PCBP3: variants seen among roughly 807,000 people sequenced by gnomAD.
The protein encoded by PCBP3 is poly(rC)-binding protein 3.
In PCBP3, 25 loss-of-function variants were observed where a neutral mutation model predicts 52.7. The observed-to-expected ratio is 0.47, with a 90% CI of 0.35 to 0.66. The LOEUF (loss-of-function observed/expected upper bound fraction) is 0.66, where lower values mean the gene tolerates loss of function less well. Among genes scored for constraint, PCBP3 ranks in the 30% least tolerant of loss-of-function variants. The probability of loss-of-function intolerance (pLI) is 0.01; values close to 1 mark genes in which losing one functional copy is unlikely to be tolerated. For missense variants in PCBP3, 391 were observed against 490.3 expected, an observed-to-expected ratio of 0.80 and a Z score of 1.91; for synonymous variants, 162 against 183.0, an observed-to-expected ratio of 0.89 and a Z score of 0.93.
At chr21:45,918,053 T>C in intron 13 of PCBP3, 2 of 270,074 alleles carry the variant, frequency 7.4e-6, no homozygotes, top group Non-Finnish European at 1.4e-5. Context: ...TTTGAGGGCC[T>C]GGTGAAATTA....
At position 45,791,995 on chromosome 21, in the gene PCBP3, G is replaced by A. The variant is rs1040023760; in HGVS notation, c.-126+36543G>A. ...AGCCTTTCCTTTCCTTGCTCCAGTC[G>A]CTTGGGTGTGAGTCCTGCTTCTCCC... is the stretch of plus-strand genomic sequence containing the variant. On this transcript the variant is annotated intron_variant, in intron 4 of 17. Transcript: ENST00000681687. This position sits in a 1 kb window ranked among gnomAD's most constrained non-coding sequence, Gnocchi z 4.2. Among the ~76,000 whole-genome samples the A allele has an allele frequency of 3.3e-5, 5 of 152,218 alleles. No individual in the cohort carries two copies. Among genetic ancestry groups the A allele is most frequent in the East Asian group, 1.9e-4 (1 of 5,186 alleles).
chr21:45,838,884 C>G (rs971159214), intron 4 of PCBP3, among the ~76,000 whole-genome samples: 62 of 152,272 alleles, frequency 4.1e-4, no homozygotes, highest in African/African-American at 1.3e-3. Context: ...ATGTAAAATA[C>G]AAACATTTAC....
At position 45,735,840 on chromosome 21, in the gene PCBP3, T is replaced by G. The variant is rs974949574; in HGVS notation, c.-162+411T>G. 1.3e-5 allele frequency among the ~76,000 whole-genome samples: 2 copies of G among 152,184 alleles called. No homozygotes were observed. The highest frequency in any genetic ancestry group is 2.9e-5 in the Non-Finnish European group (2 of 68,034). On this transcript the variant is annotated intron_variant, in intron 3 of 17. Coordinates refer to ENST00000681687, the MANE Select transcript of PCBP3 (RefSeq NM_001384156.1). This position sits in a 1 kb window ranked among gnomAD's most constrained non-coding sequence, Gnocchi z 4.0. ...GCCAACAGTGCCCACTGCCCGGTAG[T>G]GCCTGTGTGTGCGGTGGCCATGATG... is the stretch of plus-strand genomic sequence containing the variant.
rs1020872653 is a variant in PCBP3 at position 45,817,985 on chromosome 21, C to T, written c.-125-31976C>T. On this transcript the variant is annotated intron_variant, in intron 4 of 17. Transcript: ENST00000681687. The surrounding 1 kb of genome is among the most constrained non-coding windows in gnomAD (Gnocchi z 4.3). ...GCTTCTCCTGTTACGTACATCTTGC[C>T]TCAAGTGTGGTACAGTCAATGAACC... 1.3e-5 allele frequency among the ~76,000 whole-genome samples: 2 copies of T among 152,198 alleles called. No individual in the cohort carries two copies. The highest frequency in any genetic ancestry group is 4.8e-5 in the African/African-American group (2 of 41,524).
intron 7 of PCBP3, among the ~76,000 whole-genome samples, chr21:45,900,369 C>T (rs1315204318): frequency 6.6e-6 from 1 of 152,214 alleles, no homozygotes; most frequent in Non-Finnish European, 1.5e-5. Context: ...GGTGGGTGCA[C>T]TTGCATTCCT....
intron 2 of PCBP3, among the ~76,000 whole-genome samples, chr21:45,693,512 A>T (rs961547326): frequency 6.6e-6 from 1 of 152,164 alleles, no homozygotes; most frequent in African/African-American, 2.4e-5. Flanking sequence ...CACAACTGTT[A>T]AAACTCATCA....
chr21:45,758,387 A>G (rs980787295), intron 4 of PCBP3, among the ~76,000 whole-genome samples: 5 of 152,156 alleles, frequency 3.3e-5, no homozygotes, highest in Non-Finnish European at 7.3e-5. Flanking sequence ...GAATCTGTAG[A>G]TACATTTGGG....
chr21:45,661,024 A>C (rs1002352363), intron 1 of PCBP3, among the ~76,000 whole-genome samples: 14 of 152,206 alleles, frequency 9.2e-5, no homozygotes, highest in Admixed American at 9.2e-4. Flanking sequence ...CTAGGAGACA[A>C]AGGAAAACTC....
intron 4 of PCBP3, among the ~76,000 whole-genome samples, chr21:45,769,268 AT>A (rs1421933432): frequency 6.6e-6 from 1 of 152,182 alleles, no homozygotes; most frequent in African/African-American, 2.4e-5. Flanking sequence ...TGTTATTTGA[AT>A]TGAGTGTACA....
intron 13 of PCBP3, among the ~76,000 whole-genome samples, chr21:45,927,803 G>T (rs1399893850): frequency 6.6e-6 from 1 of 152,154 alleles, no homozygotes; most frequent in Non-Finnish European, 1.5e-5. Flanking sequence ...CTGAGGCCTG[G>T]AGACACCAGG....
In PCBP3 at chr21:45,805,320, G is replaced by A. The variant is rs561421546; in HGVS notation, c.-125-44641G>A. On this transcript the variant is annotated intron_variant, in intron 4 of 17. Transcript: ENST00000681687. This position sits in a 1 kb window ranked among gnomAD's most constrained non-coding sequence, Gnocchi z 4.6. ...CTGAAAACCCCCCAGGTGGTGTCTGGGGGGGAAAGTAATTGGAAGATTATG... is the reference window on the plus strand; with the variant it reads ...CTGAAAACCCCCCAGGTGGTGTCTGAGGGGGAAAGTAATTGGAAGATTATG... Among the ~76,000 whole-genome samples the A allele has an allele frequency of 6.6e-6, 1 of 152,034 alleles. No individual in the cohort carries two copies. Among genetic ancestry groups the A allele is most frequent in the African/African-American group, 2.4e-5 (1 of 41,430 alleles).
chr21:45,876,729 T>C (rs1359193079), intron 5 of PCBP3, among the ~76,000 whole-genome samples: 1 of 152,266 alleles, frequency 6.6e-6, no homozygotes, highest in Non-Finnish European at 1.5e-5. Context: ...GGCACTGAGC[T>C]GTTAAACAGG....
At position 45,792,846 on chromosome 21, in the gene PCBP3, C is replaced by G. The variant is rs531332924; in HGVS notation, c.-126+37394C>G. On this transcript the variant is annotated intron_variant, in intron 4 of 17. Transcript: ENST00000681687. ...AGCAGAGCCAGGTATCCCCCTCAAA[C>G]CCCCCGGCTTTGGGCCCAGGCAGTC... Among the ~76,000 whole-genome samples the G allele has an allele frequency of 1.6e-4, 25 of 152,302 alleles. No homozygotes were observed. In the South Asian group the frequency reaches 3.9e-3, roughly 24 times the overall value.
At chr21:45,668,979 C>T (rs1469963849) in intron 2 of PCBP3, 27 bp downstream of exon 2, 1 of 152,074 alleles carries the variant, frequency 6.6e-6, no homozygotes, top group East Asian at 1.9e-4. Flanking sequence ...AAGGATTTTC[C>T]AATTATCCTT....
At chr21:45,846,556 G>A (rs1375160251) in intron 4 of PCBP3, among the ~76,000 whole-genome samples, 1 of 152,122 alleles carries the variant, frequency 6.6e-6, no homozygotes, top group African/African-American at 2.4e-5. Context: ...GTCATGCTGA[G>A]TTATTTTTGA....
chr21:45,872,410 G>C (rs963458547), intron 5 of PCBP3: 3 of 152,178 alleles, frequency 2.0e-5, no homozygotes, highest in Non-Finnish European at 4.4e-5. Flanking sequence ...GGAGAGCTCC[G>C]TGCTGTACCC....
At chr21:45,731,217 T>C (rs1569159879) in intron 2 of PCBP3, among the ~76,000 whole-genome samples, 2 of 152,200 alleles carry the variant, frequency 1.3e-5, no homozygotes, top group Non-Finnish European at 2.9e-5. Context: ...TGGCCACCAA[T>C]AGTACAATGA....
intron 4 of PCBP3, among the ~76,000 whole-genome samples, chr21:45,813,699 C>T (rs2092746809): frequency 1.3e-5 from 2 of 152,354 alleles, no homozygotes; most frequent in South Asian, 4.1e-4. Flanking sequence ...CTGCCTTGGC[C>T]TCCCAAAGTG....
At chr21:45,839,950 G>T (rs1266271381) in intron 4 of PCBP3, among the ~76,000 whole-genome samples, 1 of 151,898 alleles carries the variant, frequency 6.6e-6, no homozygotes, top group Non-Finnish European at 1.5e-5. Flanking sequence ...GCCTCCCAAA[G>T]TGCTGGGATT....
Sources: gnomAD v4.1 joint callset for allele counts (sites outside exome capture counted in the v4.1 genomes callset) on GRCh38, gnomAD v4.1.1 for gene constraint, Gnocchi (gnomAD v3.1) non-coding constraint, MANE v1.5 for transcripts, NCBI Gene and HGNC (gene_info 2026-07-23, HGNC 2026-07-21) for gene names.